MAGI2: variants seen among roughly 807,000 people sequenced by gnomAD.
MAGI2 encodes the protein membrane-associated guanylate kinase, WW and PDZ domain-containing protein 2.
Under a neutral mutation model 133.3 loss-of-function variants are expected in MAGI2, and 35 were observed. The observed-to-expected ratio is 0.26, with a 90% CI of 0.20 to 0.35. The LOEUF is 0.35. MAGI2 is among the 10% of genes least tolerant of loss of function. MAGI2 has a pLI of 1.00. For synonymous variants in MAGI2, 729 were observed against 710.6 expected (o/e 1.03, Z -0.41); for missense variants, 1,636 against 1,863.4 (o/e 0.88, Z 2.25).
intron 2 of MAGI2, among the ~76,000 whole-genome samples, chr7:78,908,393 G>C (rs1052247800): frequency 1.3e-5 from 2 of 152,178 alleles, no homozygotes; most frequent in Admixed American, 1.3e-4. Context: ...CTTAAATACA[G>C]CTGGGTGGTG....
chr7:78,712,949 T>C (rs1819341694), intron 2 of MAGI2, among the ~76,000 whole-genome samples: 1 of 152,280 alleles, frequency 6.6e-6, no homozygotes, highest in South Asian at 2.1e-4. Context: ...CTGTAGTAAT[T>C]GTACAGGCAA....
intron 1 of MAGI2, among the ~76,000 whole-genome samples, chr7:79,048,230 A>G (rs1237300028): frequency 6.6e-6 from 1 of 152,204 alleles, no homozygotes; most frequent in African/African-American, 2.4e-5. Flanking sequence ...GAATGGTAAA[A>G]GATCAGAGGA....
intron 4 of MAGI2, among the ~76,000 whole-genome samples, chr7:78,502,033 G>C (rs574934460): frequency 2.0e-5 from 3 of 152,206 alleles, no homozygotes; most frequent in Admixed American, 6.5e-5. Flanking sequence ...TGTAATGTAA[G>C]GACCATTTCA....
At chr7:78,796,571 G>A (rs1787633647) in intron 2 of MAGI2, among the ~76,000 whole-genome samples, 1 of 152,104 alleles carries the variant, frequency 6.6e-6, no homozygotes, top group Admixed American at 6.6e-5. Flanking sequence ...ATCGAAAACG[G>A]TATGGAGGTT....
chr7:78,187,154 A>G (rs1242101508), intron 12 of MAGI2, among the ~76,000 whole-genome samples: 1 of 152,186 alleles, frequency 6.6e-6, no homozygotes, highest in Non-Finnish European at 1.5e-5. Context: ...ACATTACTAA[A>G]CGTCTCTAAA....
intron 2 of MAGI2, among the ~76,000 whole-genome samples, chr7:78,650,626 T>A (rs1233140040): frequency 6.6e-6 from 1 of 151,182 alleles, no homozygotes; most frequent in African/African-American, 2.4e-5. Flanking sequence ...GAAGTTGGTT[T>A]TGTTAGGAAA....
chr7:78,937,161 A>G (rs1800577774), intron 2 of MAGI2, among the ~76,000 whole-genome samples: 1 of 152,082 alleles, frequency 6.6e-6, no homozygotes, highest in African/African-American at 2.4e-5. Context: ...GATCATGTTC[A>G]AGGGGTACAG....
intron 2 of MAGI2, among the ~76,000 whole-genome samples, chr7:78,868,146 A>G (rs539919378): frequency 6.6e-6 from 1 of 152,326 alleles, no homozygotes; most frequent in South Asian, 2.1e-4. Flanking sequence ...AAAGTAAACT[A>G]TAAATATAAA....
chr7:79,010,258 G>A (rs1280754209), intron 1 of MAGI2, among the ~76,000 whole-genome samples: 1 of 151,502 alleles, frequency 6.6e-6, no homozygotes, highest in Non-Finnish European at 1.5e-5. Context: ...TGTGATACAT[G>A]TGTATATGTA....
rs77816501 is a variant in MAGI2, at chr7:78,259,742, C to T, written c.1409-3161G>A. On this transcript the variant is annotated intron_variant, in intron 9 of 21. Coordinates refer to ENST00000354212, the MANE Select transcript of MAGI2 (RefSeq NM_012301.4). ...TAACAGACTCCCCAGTCCCCAAGCA[C>T]GCTCTCTCCTTCCCTCTGCTCTGCC... is the stretch of plus-strand genomic sequence containing the variant. Among the ~76,000 whole-genome samples the T allele has an allele frequency of 5.9e-3, 901 of 152,268 alleles. 5 individuals are homozygous for T. The highest frequency in any genetic ancestry group is 0.02 in the African/African-American group (843 of 41,560).
intron 3 of MAGI2, among the ~76,000 whole-genome samples, chr7:78,570,529 C>T (rs1159781194): frequency 6.6e-6 from 1 of 152,098 alleles, no homozygotes; most frequent in African/African-American, 2.4e-5. Context: ...CTCAGATCTG[C>T]TAATATCTGC....
chr7:78,457,104 G>A (rs1395280958), intron 6 of MAGI2: 1 of 152,162 alleles, frequency 6.6e-6, no homozygotes, highest in African/African-American at 2.4e-5. Context: ...TTTGCTTTCA[G>A]TTCACCGTGT....
At position 78,938,429 on chromosome 7, in the gene MAGI2, T is replaced by C. The variant is rs536545245; in HGVS notation, c.418+68661A>G. On this transcript the variant is annotated intron_variant, in intron 2 of 21. Coordinates refer to ENST00000354212, the MANE Select transcript of MAGI2 (RefSeq NM_012301.4). ...AGAATTAGTTATGTAGTATGTCCTA[T>C]CTATGATGCATATAGAGATGATATA... Among the ~76,000 whole-genome samples, 3 of 152,282 alleles carry C rather than the reference T, an allele frequency of 2.0e-5. No homozygotes were observed. The East Asian group carries it at 5.8e-4, about 29-fold the overall frequency.
At chr7:79,451,094 AT>A (rs1364399309) in intron 1 of MAGI2, among the ~76,000 whole-genome samples, 2 of 152,062 alleles carry the variant, frequency 1.3e-5, no homozygotes, top group East Asian at 3.9e-4. Context: ...ATCTTCCTTT[AT>A]TTCTCTTTTG....
At chr7:78,660,650 G>A (rs987181950) in intron 2 of MAGI2, among the ~76,000 whole-genome samples, 6 of 151,998 alleles carry the variant, frequency 3.9e-5, no homozygotes, top group Admixed American at 6.6e-5. Context: ...TTTAAAACCC[G>A]CTTAAGTAAA....
intron 1 of MAGI2, among the ~76,000 whole-genome samples, chr7:79,435,222 C>T (rs1477309569): frequency 1.3e-5 from 2 of 152,142 alleles, no homozygotes; most frequent in Non-Finnish European, 2.9e-5. Flanking sequence ...AATAAGTCAA[C>T]TGTTACAGAG....
At chr7:78,852,217 C>T (rs186983947) in intron 2 of MAGI2, among the ~76,000 whole-genome samples, 1 of 152,098 alleles carries the variant, frequency 6.6e-6, no homozygotes, top group East Asian at 1.9e-4. Context: ...TCAATGAAAT[C>T]TATTCATTTT....
chr7:78,923,421 G>C (rs1198291627), intron 2 of MAGI2, among the ~76,000 whole-genome samples: 8 of 152,186 alleles, frequency 5.3e-5, no homozygotes, highest in Admixed American at 5.2e-4. Context: ...TGGCTAGCCA[G>C]TTTTCCCAGC....
chr7:78,035,974 G>A (rs1488313089), intron 21 of MAGI2, among the ~76,000 whole-genome samples: 3 of 152,056 alleles, frequency 2.0e-5, no homozygotes, highest in Admixed American at 2.0e-4. Context: ...AATACAATGT[G>A]GTGAATATTA....
Sources: gnomAD v4.1 joint callset for allele counts (sites outside exome capture counted in the v4.1 genomes callset) on GRCh38, gnomAD v4.1.1 for gene constraint, MANE v1.5 for transcripts, NCBI Gene and HGNC (gene_info 2026-07-23, HGNC 2026-07-21) for gene names.